Variants in TLE4 observed in about 807,000 individuals in gnomAD.
The protein encoded by TLE4 is transducin-like enhancer protein 4.
In TLE4, 8 loss-of-function variants were observed where a neutral mutation model predicts 92.8. The observed-to-expected ratio is 0.09, with a 90% CI of 0.05 to 0.16. The LOEUF is 0.16. Among genes scored for constraint, TLE4 ranks in the 10% least tolerant of loss-of-function variants. TLE4 has a pLI of 1.00. For missense variants in TLE4, 675 were observed against 997.6 expected, an observed-to-expected ratio of 0.68 and a Z score of 4.36; for synonymous variants, 371 against 374.1, an observed-to-expected ratio of 0.99 and a Z score of 0.10.
chr9:79,715,519 G>T (rs1461283874), intron 14 of TLE4, among the ~76,000 whole-genome samples: 12 of 151,980 alleles, frequency 7.9e-5, no homozygotes, highest in Admixed American at 7.9e-4. Context: ...CACCAGCGGT[G>T]GGGTTAATAA....
chr9:79,623,628 A>G (rs1415417507), intron 5 of TLE4, among the ~76,000 whole-genome samples: 3 of 151,474 alleles, frequency 2.0e-5, no homozygotes, highest in Non-Finnish European at 4.4e-5. Context: ...AAAATTCCCT[A>G]GTTTTAAGTG....
chr9:79,669,985 A>G (rs980620949), intron 8 of TLE4, among the ~76,000 whole-genome samples: 7 of 152,028 alleles, frequency 4.6e-5, no homozygotes, highest in Admixed American at 3.9e-4. Flanking sequence ...TCAAATGGTA[A>G]AGGCCTAGAT....
chr9:79,599,896 G>A (rs1330724885), intron 4 of TLE4, among the ~76,000 whole-genome samples: 2 of 152,112 alleles, frequency 1.3e-5, no homozygotes, highest in Non-Finnish European at 2.9e-5. Flanking sequence ...GCACTTCTCA[G>A]TATCTGAAAT....
At chr9:79,629,957 A>T (rs1159358727) in intron 6 of TLE4, among the ~76,000 whole-genome samples, 1 of 152,172 alleles carries the variant, frequency 6.6e-6, no homozygotes, top group African/African-American at 2.4e-5. Flanking sequence ...ACACGCTACC[A>T]AAAACAACTA....
intron 6 of TLE4, among the ~76,000 whole-genome samples, chr9:79,644,547 T>A (rs2057771430): frequency 6.6e-6 from 1 of 152,180 alleles, no homozygotes; most frequent in African/African-American, 2.4e-5. Context: ...GTAATAAGGA[T>A]TCCAGTGACT....
chr9:79,715,660 C>T (rs994608675), intron 14 of TLE4, among the ~76,000 whole-genome samples: 1 of 152,064 alleles, frequency 6.6e-6, no homozygotes, highest in Non-Finnish European at 1.5e-5. Context: ...GAGTATTTCC[C>T]CAGTGTATTA....
At chr9:79,673,235 T>G (rs2062711114) in intron 8 of TLE4, among the ~76,000 whole-genome samples, 2 of 152,180 alleles carry the variant, frequency 1.3e-5, no homozygotes, top group Admixed American at 6.5e-5. Context: ...TGGCGTAAGA[T>G]CCTGAAATTT....
chr9:79,704,114 ACTTT>A (rs200391549), intron 8 of TLE4, among the ~76,000 whole-genome samples: 2,413 of 151,598 alleles, frequency 0.016, 56 homozygotes, highest in African/African-American at 0.054. Context: ...TCCTTTCCCA[ACTTT>A]CTTTCTTTTT....
intron 8 of TLE4, among the ~76,000 whole-genome samples, chr9:79,669,374 CAGAAAA>C (rs1276785324): frequency 3.9e-5 from 6 of 152,008 alleles, no homozygotes; most frequent in Non-Finnish European, 1.5e-5. Flanking sequence ...GTAGTGAGGC[CAGAAAA>C]ATGTTTAAAA....
rs547936336 is a variant in TLE4 at position 79,642,865 on chromosome 9, G to C, written c.391-9728G>C. On this transcript the variant is annotated intron_variant, in intron 6 of 19. Coordinates refer to ENST00000376552, the MANE Select transcript of TLE4 (RefSeq NM_007005.6). ...GTCCAGAGATTTGGAGGACTACAGAGATCTGTGGTTTGTTTAGCTTGAGAA... is the reference window on the plus strand; with the variant it reads ...GTCCAGAGATTTGGAGGACTACAGACATCTGTGGTTTGTTTAGCTTGAGAA... Among the ~76,000 whole-genome samples the C allele has an allele frequency of 7.9e-5, 12 of 152,266 alleles. No individual in the cohort carries two copies. The East Asian group carries it at 2.3e-3, about 29-fold the overall frequency.
chr9:79,674,824 C>T (rs1458638597), intron 8 of TLE4, among the ~76,000 whole-genome samples: 2 of 152,104 alleles, frequency 1.3e-5, no homozygotes, highest in Non-Finnish European at 2.9e-5. Flanking sequence ...TTTCTCATAT[C>T]CAACAGATGT....
chr9:79,612,386 T>A (rs969041932), intron 4 of TLE4, among the ~76,000 whole-genome samples: 2 of 152,114 alleles, frequency 1.3e-5, no homozygotes. Flanking sequence ...TGATTTCCAG[T>A]CATGGAAATT....
chr9:79,650,002 A>G (rs2058701204), intron 6 of TLE4: 1 of 648,194 alleles, frequency 1.5e-6, no homozygotes, highest in Non-Finnish European at 2.2e-6. Context: ...TGCAGCCATG[A>G]CCTCCCTGGC....
At chr9:79,682,886 G>T (rs1476276149) in intron 8 of TLE4, among the ~76,000 whole-genome samples, 4 of 152,102 alleles carry the variant, frequency 2.6e-5, no homozygotes, top group Admixed American at 2.0e-4. Context: ...TGATCGTTGT[G>T]GTGACAGTCT....
chr9:79,659,554 G>C (rs926503158), intron 8 of TLE4, among the ~76,000 whole-genome samples: 2 of 151,952 alleles, frequency 1.3e-5, no homozygotes, highest in African/African-American at 2.4e-5. Context: ...ATTTTATTTT[G>C]TTGTGATCTC....
intron 8 of TLE4, among the ~76,000 whole-genome samples, chr9:79,655,980 T>C (rs1587887576): frequency 6.6e-6 from 1 of 152,158 alleles, no homozygotes; most frequent in Non-Finnish European, 1.5e-5. Context: ...AGGGTGAGCC[T>C]GGAAATGAGT....
intron 4 of TLE4, among the ~76,000 whole-genome samples, chr9:79,596,377 A>G (rs1452175844): frequency 6.6e-6 from 1 of 152,202 alleles, no homozygotes; most frequent in Non-Finnish European, 1.5e-5. Flanking sequence ...ATCCTTCACC[A>G]GTAGCAAAAC....
chr9:79,641,049 A>C (rs2057031375), intron 6 of TLE4, among the ~76,000 whole-genome samples: 1 of 151,874 alleles, frequency 6.6e-6, no homozygotes, highest in East Asian at 1.9e-4. Context: ...TCTTGTGGAA[A>C]AGAATTGGAT....
chr9:79,623,069 A>T (rs2051446484), intron 5 of TLE4, among the ~76,000 whole-genome samples: 1 of 152,122 alleles, frequency 6.6e-6, no homozygotes, highest in Admixed American at 6.5e-5. Context: ...AATTTATAAA[A>T]TTTTGAAGCA....
Sources: gnomAD v4.1 joint callset for allele counts (sites outside exome capture counted in the v4.1 genomes callset) on GRCh38, gnomAD v4.1.1 for gene constraint, MANE v1.5 for transcripts, NCBI Gene and HGNC (gene_info 2026-07-23, HGNC 2026-07-21) for gene names.